DNAAF11: variants seen among roughly 807,000 people sequenced by gnomAD.
DNAAF11 encodes dynein axonemal assembly factor 11.
Under a neutral mutation model 60.8 loss-of-function variants are expected in DNAAF11, and 45 were observed. That is an observed-to-expected ratio of 0.74 (90% CI 0.58 to 0.95). The LOEUF (loss-of-function observed/expected upper bound fraction) is 0.95. Ranked by LOEUF, DNAAF11 falls within the 40% of genes least tolerant of loss-of-function variation. DNAAF11 has a pLI of 0.00. For missense variants in DNAAF11, 546 were observed against 546.2 expected, an observed-to-expected ratio of 1.00 and a Z score of 0.00; for synonymous variants, 191 against 183.5, an observed-to-expected ratio of 1.04 and a Z score of -0.33.
At chr8:132,587,448 G>T (rs1816019820) in intron 10 of DNAAF11, among the ~76,000 whole-genome samples, 1 of 151,972 alleles carries the variant, frequency 6.6e-6, no homozygotes, top group Non-Finnish European at 1.5e-5. Flanking sequence ...TTAATAGTAG[G>T]TTACCTTTTC....
chr8:132,691,692 C>T, the DNAAF11 span, among the ~76,000 whole-genome samples: 1 of 152,042 alleles, frequency 6.6e-6, no homozygotes, highest in Non-Finnish European at 1.5e-5. Context: ...TTTATGAAAC[C>T]ATCAGATCTG....
At chr8:132,650,669 T>A (rs767091205) in intron 3 of DNAAF11, among the ~76,000 whole-genome samples, 27 of 152,342 alleles carry the variant, frequency 1.8e-4, no homozygotes, top group Non-Finnish European at 2.9e-4. Flanking sequence ...CTATGTTTAT[T>A]TTACATTGGC....
chr8:132,601,548 A>AT (rs1263828749), intron 10 of DNAAF11, among the ~76,000 whole-genome samples: 1 of 152,208 alleles, frequency 6.6e-6, no homozygotes, highest in African/African-American at 2.4e-5. Context: ...GATAGACTGG[A>AT]TTAAGAAAAT....
intron 11 of DNAAF11, among the ~76,000 whole-genome samples, chr8:132,582,565 G>T (rs1586471873): frequency 6.6e-6 from 1 of 152,144 alleles, no homozygotes; most frequent in East Asian, 1.9e-4. Context: ...ATGTGCAATG[G>T]AAATCACTAA....
At chr8:132,689,642 C>T in the DNAAF11 span, among the ~76,000 whole-genome samples, 1 of 152,010 alleles carries the variant, frequency 6.6e-6, no homozygotes, top group African/African-American at 2.4e-5. Context: ...TGACCATTCT[C>T]TGTGACAAGA....
chr8:132,691,756 T>A, the DNAAF11 span, among the ~76,000 whole-genome samples: 1 of 152,118 alleles, frequency 6.6e-6, no homozygotes. Context: ...ACCCCCATCA[T>A]CCAGTCACTT....
the DNAAF11 span, among the ~76,000 whole-genome samples, chr8:132,697,128 A>G: frequency 1.3e-5 from 2 of 152,224 alleles, no homozygotes; most frequent in Admixed American, 1.3e-4. Flanking sequence ...GCAATTTTAT[A>G]GACTGTTAGT....
At chr8:132,637,900 T>C (rs1821457813) in intron 4 of DNAAF11, 35 bp downstream of exon 4, 5 of 1,558,562 alleles carry the variant, frequency 3.2e-6, no homozygotes, top group Non-Finnish European at 4.4e-6. Context: ...CATGCTCATT[T>C]ATCTGTGATT....
chr8:132,693,541 CAACTAG>C, the DNAAF11 span, among the ~76,000 whole-genome samples: 1 of 151,440 alleles, frequency 6.6e-6, no homozygotes, highest in African/African-American at 2.4e-5. Flanking sequence ...AGCAGTAAGA[CAACTAG>C]AACAAAAAAG....
chr8:132,689,306 G>T, the DNAAF11 span, among the ~76,000 whole-genome samples: 2 of 152,120 alleles, frequency 1.3e-5, no homozygotes, highest in African/African-American at 4.8e-5. Flanking sequence ...GCCCTTATTT[G>T]TACTTGAAAT....
chr8:132,641,589 A>G (rs1164765309), intron 3 of DNAAF11, among the ~76,000 whole-genome samples: 1 of 152,166 alleles, frequency 6.6e-6, no homozygotes, highest in Admixed American at 6.5e-5. Context: ...AAAGAAGGAA[A>G]ATGGGTAAGT....
rs1362328752 is a variant in DNAAF11, at chr8:132,622,612, T to C, written c.913A>G (p.Lys305Glu). 7 of 1,612,902 alleles carry C rather than the reference T, an allele frequency of 4.3e-6. No homozygotes were observed. The highest frequency in any genetic ancestry group is 5.9e-6 in the Non-Finnish European group (7 of 1,179,240). ...AACGCTCTATTTGGCCTCACATACT[T>C]GGGCTCATTCACATTTAGGGCTTTC... is the stretch of plus-strand genomic sequence containing the variant. ...DGKALNVNEP[K>E]IDFSLKDNEK... Residue 305 changes from lysine to glutamate, a missense_variant and splice_region_variant, in exon 7 of 12, where the codon AAA becomes GAA. Transcript: ENST00000620350.
intron 2 of DNAAF11, among the ~76,000 whole-genome samples, chr8:132,660,766 T>A (rs561114653): frequency 3.8e-4 from 58 of 152,198 alleles, no homozygotes; most frequent in Non-Finnish European, 6.0e-4. Flanking sequence ...GGTCTCAACC[T>A]ACCTCCTGAC....
At chr8:132,674,614 C>A (rs1391822451) in intron 1 of DNAAF11, among the ~76,000 whole-genome samples, 1 of 152,220 alleles carries the variant, frequency 6.6e-6, no homozygotes, top group Non-Finnish European at 1.5e-5. Context: ...TACTACCGGG[C>A]GCAGTGGCTC....
the DNAAF11 span, among the ~76,000 whole-genome samples, chr8:132,688,123 G>T: frequency 9.9e-5 from 15 of 152,042 alleles, no homozygotes; most frequent in Admixed American, 7.9e-4. Context: ...TTAATACATA[G>T]AGCCCTCATG....
chr8:132,675,438 T>G, intron 1 of DNAAF11, 46 bp downstream of exon 1: 1 of 1,547,642 alleles, frequency 6.5e-7, no homozygotes, highest in Non-Finnish European at 8.8e-7. Context: ...CCGGGACTAC[T>G]TCCACAAGGG....
At chr8:132,656,484 T>A (rs1425554955) in intron 3 of DNAAF11, among the ~76,000 whole-genome samples, 1 of 152,214 alleles carries the variant, frequency 6.6e-6, no homozygotes, top group Non-Finnish European at 1.5e-5. Flanking sequence ...TTTTTCTTTT[T>A]GGGGAGGACG....
Position 132,572,190 on chromosome 8 carries a change from G to A in DNAAF11, c.*116C>T. The stretch of plus-strand genomic sequence containing the variant: ...GCAAAGTAAGAGTTAAAACACTGGA[G>A]CAGCGATATTGACAAATAACTCTGT... On this transcript the variant is annotated 3_prime_UTR_variant, in exon 12 of 12. Coordinates refer to ENST00000620350, the MANE Select transcript of DNAAF11 (RefSeq NM_012472.6). 1.3e-6 allele frequency: 1 copy of A among 783,884 alleles called. No homozygotes were observed. The highest frequency in any genetic ancestry group is 2.6e-5 in the East Asian group (1 of 39,084). 48.6% of individuals were successfully genotyped at this position (783,884 alleles called of 1,614,324 possible).
chr8:132,691,852 C>T, the DNAAF11 span, among the ~76,000 whole-genome samples: 8,529 of 152,010 alleles, frequency 0.056, 840 homozygotes, highest in African/African-American at 0.19. Flanking sequence ...GAGGAAGGCC[C>T]ATGTGGCTGG....
Sources: gnomAD v4.1 joint callset for allele counts (sites outside exome capture counted in the v4.1 genomes callset) on GRCh38, gnomAD v4.1.1 for gene constraint, MANE v1.5 for transcripts, NCBI Gene and HGNC (gene_info 2026-07-23, HGNC 2026-07-21) for gene names.